The following CDH13 variants were observed in gnomAD, a reference collection of about 807,000 sequenced individuals.
CDH13 encodes cadherin-13.
In CDH13, 24 loss-of-function variants were observed where a neutral mutation model predicts 63.8. That is an observed-to-expected ratio of 0.38 (90% CI 0.27 to 0.53). CDH13 has a LOEUF of 0.53. CDH13 is among the 20% of genes least tolerant of loss of function. The pLI, the probability that CDH13 is intolerant of heterozygous loss-of-function variation, is 0.85. For missense variants in CDH13, 1,049 were observed against 903.1 expected (o/e 1.16, Z -2.07); for synonymous variants, 503 against 355.3 (o/e 1.42, Z -4.67).
In CDH13 at chr16:83,032,074, G is replaced by C; in HGVS notation, c.222G>C (p.Lys74Asn). 2 of 1,611,870 alleles carry C rather than the reference G, an allele frequency of 1.2e-6. No homozygotes were observed. Among genetic ancestry groups the C allele is most frequent in the Non-Finnish European group, 1.7e-6 (2 of 1,179,122 alleles). Residue 74 changes from lysine (K) to asparagine (N), a missense_variant, in exon 3 of 14, where the codon AAG becomes AAC. Lys to Asn is a moderately conservative substitution (Grantham distance 94, BLOSUM62 0). Coordinates refer to ENST00000567109, the MANE Select transcript of CDH13 (RefSeq NM_001257.5). ...LRYEVSSPYFKVNSDGGLVAL... is the reference protein window; with the variant it reads ...LRYEVSSPYFNVNSDGGLVAL... ...ATGAGGTCTCGAGCCCATACTTCAA[G>C]GTGAACAGCGATGGCGGCTTAGTTG...
intron 1 of CDH13, among the ~76,000 whole-genome samples, chr16:82,705,495 A>C (rs1033708214): frequency 8.5e-5 from 13 of 152,092 alleles, no homozygotes; most frequent in African/African-American, 3.1e-4. Flanking sequence ...TTACTCAACT[A>C]CTTTTTGATT....
intron 3 of CDH13, among the ~76,000 whole-genome samples, chr16:83,067,027 A>T (rs2032069656): frequency 6.6e-6 from 1 of 152,100 alleles, no homozygotes; most frequent in Non-Finnish European, 1.5e-5. Flanking sequence ...GAGGCATCTT[A>T]TTTTCCAAGC....
chr16:83,044,403 G>A (rs549096795), intron 3 of CDH13, among the ~76,000 whole-genome samples: 245 of 152,302 alleles, frequency 1.6e-3, no homozygotes, highest in Middle Eastern at 0.01. Flanking sequence ...CCAGAGCTGA[G>A]CAAAACTCCT....
chr16:83,765,821 G>A (rs553326305), intron 11 of CDH13, among the ~76,000 whole-genome samples: 9 of 150,946 alleles, frequency 6.0e-5, no homozygotes, highest in Non-Finnish European at 8.8e-5. Context: ...GGAGGTACAC[G>A]TGCAGGTTTG....
chr16:83,000,742 G>A (rs1912833707), intron 2 of CDH13, among the ~76,000 whole-genome samples: 1 of 151,814 alleles, frequency 6.6e-6, no homozygotes, highest in Non-Finnish European at 1.5e-5. Flanking sequence ...ACCATGCCCG[G>A]CTAATTTTTT....
At chr16:83,103,536 G>T (rs774223473) in intron 3 of CDH13, among the ~76,000 whole-genome samples, 5 of 152,186 alleles carry the variant, frequency 3.3e-5, no homozygotes, top group Non-Finnish European at 5.9e-5. Flanking sequence ...ATGAGCCACC[G>T]TGCCCGGCTA....
intron 2 of CDH13, among the ~76,000 whole-genome samples, chr16:82,878,552 C>T (rs554132908): frequency 4.4e-4 from 50 of 113,300 alleles, no homozygotes; most frequent in African/African-American, 1.5e-3. Context: ...GAGTTGAGAA[C>T]GGGGAGATTT....
intron 5 of CDH13, among the ~76,000 whole-genome samples, chr16:83,290,061 G>A (rs1375487795): frequency 6.6e-6 from 1 of 152,138 alleles, no homozygotes; most frequent in African/African-American, 2.4e-5. Context: ...ACTTTCTACT[G>A]ATGGACCCAT....
chr16:83,354,882 C>G (rs2091023137), intron 6 of CDH13, among the ~76,000 whole-genome samples: 2 of 152,112 alleles, frequency 1.3e-5, no homozygotes, highest in African/African-American at 4.8e-5. Flanking sequence ...CACATGTGCC[C>G]CTTCATTCAT....
At chr16:83,171,591 A>G in intron 4 of CDH13, 1 of 1,522,416 alleles carries the variant, frequency 6.6e-7, no homozygotes, top group Non-Finnish European at 8.8e-7. Flanking sequence ...AAATTTTGAA[A>G]TATCTGTGTC....
intron 3 of CDH13, among the ~76,000 whole-genome samples, chr16:83,065,457 C>T (rs1022281195): frequency 2.0e-5 from 3 of 152,172 alleles, no homozygotes; most frequent in African/African-American, 7.2e-5. Context: ...GTAATCCCAA[C>T]ACTTTGGAAG....
At chr16:82,679,342 A>G (rs557770420) in intron 1 of CDH13, among the ~76,000 whole-genome samples, 1 of 152,286 alleles carries the variant, frequency 6.6e-6, no homozygotes, top group African/African-American at 2.4e-5. Context: ...TGGTTGTTAT[A>G]TCCATGGCTG....
At position 82,957,621 on chromosome 16, in the gene CDH13, A is replaced by C. The variant is rs79452973; in HGVS notation, c.158-74389A>C. 7.5e-3 allele frequency among the ~76,000 whole-genome samples: 1,150 copies of C among 152,332 alleles called. 8 individuals are homozygous for C. The highest frequency in any genetic ancestry group is 0.025 in the African/African-American group (1,039 of 41,552). ...ACAAACATGCAGGGCAGTATACTTTAGTGATTAAGAACACCAGCTTTGGAC... is the reference window on the plus strand; with the variant it reads ...ACAAACATGCAGGGCAGTATACTTTCGTGATTAAGAACACCAGCTTTGGAC... On this transcript the variant is annotated intron_variant, in intron 2 of 13. Transcript: ENST00000567109.
chr16:83,249,347 G>A (rs1294063135), intron 5 of CDH13, among the ~76,000 whole-genome samples: 1 of 152,170 alleles, frequency 6.6e-6, no homozygotes, highest in East Asian at 1.9e-4. Context: ...TGGCAGGATT[G>A]TCTTCACCAT....
intron 1 of CDH13, among the ~76,000 whole-genome samples, chr16:82,722,480 G>A (rs571521413): frequency 6.6e-6 from 1 of 152,222 alleles, no homozygotes; most frequent in East Asian, 1.9e-4. Flanking sequence ...GCCCAGTTTG[G>A]GTCCCATGAA....
At chr16:83,156,593 T>A (rs2037216468) in intron 4 of CDH13, among the ~76,000 whole-genome samples, 1 of 152,152 alleles carries the variant, frequency 6.6e-6, no homozygotes, top group South Asian at 2.1e-4. Context: ...TTTCAAAGCC[T>A]CCAGATAAAA....
chr16:82,795,821 C>T (rs1417282352), intron 1 of CDH13, among the ~76,000 whole-genome samples: 5 of 152,132 alleles, frequency 3.3e-5, no homozygotes, highest in Admixed American at 6.5e-5. Context: ...GATGAGCTGC[C>T]AGGCTCAGTC....
chr16:82,645,211 A>G (rs1909948153), intron 1 of CDH13, among the ~76,000 whole-genome samples: 1 of 152,172 alleles, frequency 6.6e-6, no homozygotes, highest in South Asian at 2.1e-4. Context: ...GGAGCCTGTT[A>G]GGACTGCAAA....
chr16:83,057,545 T>C (rs544078398), intron 3 of CDH13, among the ~76,000 whole-genome samples: 10 of 151,932 alleles, frequency 6.6e-5, no homozygotes, highest in African/African-American at 2.4e-4. Flanking sequence ...TGACTCCCGC[T>C]TTTATTGAGT....
Sources: allele counts gnomAD v4.1 joint callset (sites outside exome capture counted in the v4.1 genomes callset), GRCh38; gene constraint gnomAD v4.1.1; transcripts MANE v1.5; gene names NCBI Gene and HGNC (gene_info 2026-07-23, HGNC 2026-07-21).